Variants in DAAM1 observed in about 807,000 individuals in gnomAD.
The protein encoded by DAAM1 is dishevelled associated activator of morphogenesis 1, also known as disheveled-associated activator of morphogenesis 1.
Under a neutral mutation model 130.0 loss-of-function variants are expected in DAAM1, and 52 were observed. The ratio of observed to expected loss-of-function variants is 0.40; its 90% CI spans 0.32 to 0.50. The LOEUF is 0.50. DAAM1 is among the 20% of genes least tolerant of loss of function. The pLI is 0.61. For synonymous variants in DAAM1, 452 were observed against 444.5 expected (o/e 1.02, Z -0.21); for missense variants, 1,134 against 1,303.8 (o/e 0.87, Z 2.01).
rs1888398859 is a variant in DAAM1 at position 59,210,621 on chromosome 14, C to T, written c.-38+21853C>T. Among the ~76,000 whole-genome samples, 3 of 152,304 alleles carry T rather than the reference C, an allele frequency of 2.0e-5. No individual in the cohort carries two copies. The South Asian group carries it at 6.2e-4, about 32-fold the overall frequency. Reference sequence around the variant, plus strand: ...TCGCATAATTAATTATCTTAACATACCCTCTCCTCATTATCTGGAGGGAAA... The same window carrying T: ...TCGCATAATTAATTATCTTAACATATCCTCTCCTCATTATCTGGAGGGAAA... On this transcript the variant is annotated intron_variant, in intron 1 of 24. Coordinates refer to ENST00000360909, the MANE Select transcript of DAAM1 (RefSeq NM_001270520.2).
At chr14:59,353,547 T>C (rs1886366227) in intron 18 of DAAM1, among the ~76,000 whole-genome samples, 3 of 152,238 alleles carry the variant, frequency 2.0e-5, no homozygotes, top group Non-Finnish European at 4.4e-5. Context: ...TCAAAAGAGT[T>C]CCTGGGACTC....
intron 1 of DAAM1, among the ~76,000 whole-genome samples, chr14:59,257,905 A>G (rs933610817): frequency 6.6e-6 from 1 of 151,954 alleles, no homozygotes; most frequent in Non-Finnish European, 1.5e-5. Context: ...GTCCCATTTT[A>G]TCCATCAGGT....
intron 23 of DAAM1, among the ~76,000 whole-genome samples, chr14:59,366,261 G>A (rs1374382376): frequency 6.6e-6 from 1 of 152,058 alleles, no homozygotes; most frequent in East Asian, 1.9e-4. Flanking sequence ...GGCATTGAAA[G>A]GGGTTCTAAA....
At chr14:59,206,495 T>G (rs150636975) in intron 1 of DAAM1, among the ~76,000 whole-genome samples, 7,904 of 152,212 alleles carry the variant, frequency 0.052, 256 homozygotes, top group Middle Eastern at 0.079. Context: ...CAGGATGGTC[T>G]TGATCTCCTA....
intron 1 of DAAM1, among the ~76,000 whole-genome samples, chr14:59,192,389 T>C (rs1398747326): frequency 6.6e-6 from 1 of 152,190 alleles, no homozygotes; most frequent in Non-Finnish European, 1.5e-5. Flanking sequence ...AGAGGAAACA[T>C]GCTTTTCCAA....
At chr14:59,308,753 TC>T (rs1336828124) in intron 3 of DAAM1, among the ~76,000 whole-genome samples, 4 of 152,234 alleles carry the variant, frequency 2.6e-5, no homozygotes, top group African/African-American at 9.6e-5. Context: ...TACTCTTTCT[TC>T]CATAATTTCT....
At chr14:59,224,418 T>C (rs551359900) in intron 1 of DAAM1, among the ~76,000 whole-genome samples, 1 of 152,310 alleles carries the variant, frequency 6.6e-6, no homozygotes, top group East Asian at 1.9e-4. Context: ...AGGAATGCAG[T>C]ATTGCTTTGG....
intron 1 of DAAM1, among the ~76,000 whole-genome samples, chr14:59,204,882 A>G (rs1174465983): frequency 2.6e-5 from 4 of 152,156 alleles, no homozygotes; most frequent in East Asian, 1.9e-4. Flanking sequence ...AAATAAATAA[A>G]TAAGTAAATA....
At chr14:59,356,254 T>C (rs1437647885) in intron 20 of DAAM1, among the ~76,000 whole-genome samples, 3 of 152,206 alleles carry the variant, frequency 2.0e-5, no homozygotes, top group Non-Finnish European at 4.4e-5. Context: ...ATATTTTCTA[T>C]AGGGTTCGTG....
Position 59,315,279 on chromosome 14 carries a change from G to C in DAAM1, c.274-1G>C, listed in dbSNP as rs924821785. The C allele has an allele frequency of 6.4e-5, 103 of 1,613,702 alleles. No individual in the cohort carries two copies. The highest frequency in any genetic ancestry group is 8.6e-5 in the Non-Finnish European group (102 of 1,179,846). On this transcript the variant is annotated splice_acceptor_variant, in intron 3 of 24. Transcript: ENST00000360909. LOFTEE classifies it high-confidence loss of function. ...TGTCACTTTTTTTCCCCCCTTTTTAGGACCAGGAAGAAAACAAGGGAGCTA... is the reference window on the plus strand; with the variant it reads ...TGTCACTTTTTTTCCCCCCTTTTTACGACCAGGAAGAAAACAAGGGAGCTA...
At chr14:59,208,307 C>T (rs1345104657) in intron 1 of DAAM1, among the ~76,000 whole-genome samples, 4 of 152,178 alleles carry the variant, frequency 2.6e-5, no homozygotes, top group African/African-American at 2.4e-5. Flanking sequence ...AGATTTGACA[C>T]ATCTTAGTAT....
chr14:59,315,829 A>G (rs1330557659), intron 4 of DAAM1, among the ~76,000 whole-genome samples: 1 of 152,158 alleles, frequency 6.6e-6, no homozygotes, highest in East Asian at 1.9e-4. Context: ...TACTCATATA[A>G]TAGATCAGGA....
At chr14:59,230,045 A>ACT (rs1310429462) in intron 1 of DAAM1, among the ~76,000 whole-genome samples, 1 of 152,034 alleles carries the variant, frequency 6.6e-6, no homozygotes, top group Admixed American at 6.6e-5. Context: ...CCCACTATTA[A>ACT]CTCTCTTACC....
intron 8 of DAAM1, among the ~76,000 whole-genome samples, chr14:59,324,911 A>C (rs941882): frequency 0.3 from 45,574 of 151,970 alleles, 7,380 homozygotes; most frequent in African/African-American, 0.42. Context: ...TGTTCATTTC[A>C]TCGTTTGCTA....
At chr14:59,223,969 A>G (rs1278770319) in intron 1 of DAAM1, among the ~76,000 whole-genome samples, 1 of 152,192 alleles carries the variant, frequency 6.6e-6, no homozygotes, top group Non-Finnish European at 1.5e-5. Flanking sequence ...CATCAGTGTA[A>G]TGGTCCAGTG....
chr14:59,194,231 A>G (rs1594749733), intron 1 of DAAM1, among the ~76,000 whole-genome samples: 1 of 152,326 alleles, frequency 6.6e-6, no homozygotes, highest in East Asian at 1.9e-4. Flanking sequence ...ATTCTCAGAC[A>G]GTGCTGGGTC....
At chr14:59,282,652 G>A (rs1454072104) in intron 2 of DAAM1, among the ~76,000 whole-genome samples, 2 of 152,118 alleles carry the variant, frequency 1.3e-5, no homozygotes, top group East Asian at 1.9e-4. Context: ...GTCTAGACTC[G>A]AGTTCTTCCT....
At chr14:59,320,340 T>C in intron 4 of DAAM1, 150 bp from the exon 5 acceptor site, 1 of 641,724 alleles carries the variant, frequency 1.6e-6, no homozygotes, top group Non-Finnish European at 2.5e-6. Flanking sequence ...CCTAAGGCTT[T>C]ATTTAAAATT....
intron 23 of DAAM1, among the ~76,000 whole-genome samples, chr14:59,365,515 AGACAGAAATGGTAAAAAGGACAC>A (rs1384998174): frequency 6.6e-6 from 1 of 152,128 alleles, no homozygotes; most frequent in Non-Finnish European, 1.5e-5. Context: ...TCCTCAGTGA[AGACAGAAATGGTAAAAAGGACAC>A]TTTTGTTACA....
Sources: gnomAD v4.1 joint callset for allele counts (sites outside exome capture counted in the v4.1 genomes callset) on GRCh38, gnomAD v4.1.1 for gene constraint, MANE v1.5 for transcripts, NCBI Gene and HGNC (gene_info 2026-07-23, HGNC 2026-07-21) for gene names.